Variants in DIRAS2 observed in about 807,000 individuals in gnomAD.
The protein encoded by DIRAS2 is DIRAS family GTPase 2, also known as GTP-binding protein Di-Ras2.
Under a neutral mutation model 13.9 loss-of-function variants are expected in DIRAS2, and 5 were observed. The observed-to-expected ratio is 0.36, with a 90% CI of 0.19 to 0.76. DIRAS2 has a LOEUF of 0.76. DIRAS2 is among the 30% of genes least tolerant of loss of function. The pLI is 0.53. For missense variants in DIRAS2, 191 were observed against 263.0 expected, an observed-to-expected ratio of 0.73 and a Z score of 1.89; for synonymous variants, 111 against 105.4, an observed-to-expected ratio of 1.05 and a Z score of -0.33.
Position 90,633,800 on chromosome 9 carries a change from G to A in DIRAS2, c.-37+8952C>T, listed in dbSNP as rs922480413. Among the ~76,000 whole-genome samples the A allele has an allele frequency of 6.6e-5, 10 of 152,198 alleles. 1 individual carries two copies. The highest frequency in any genetic ancestry group is 9.7e-5 in the African/African-American group (4 of 41,446). ...GTCACTGGTGAGCCTGGCAAGAGGC[G>A]CTTCAATGGCACCACAGGGTAGAAG... is the stretch of plus-strand genomic sequence containing the variant. On this transcript the variant is annotated intron_variant, in intron 1 of 1. Transcript: ENST00000375765.
At chr9:90,639,660 T>G (rs1825401197) in intron 1 of DIRAS2, among the ~76,000 whole-genome samples, 1 of 152,240 alleles carries the variant, frequency 6.6e-6, no homozygotes, top group African/African-American at 2.4e-5. Flanking sequence ...TTCCTTTGTT[T>G]CTGCCACAAT....
chr9:90,610,552 C>T lies in DIRAS2; in HGVS notation c.*2676G>A. On this transcript the variant is annotated 3_prime_UTR_variant, in exon 2 of 2. Transcript: ENST00000375765. ...CTTATTCTGCCTGGGTCAAAAACTGCTATGCCCATATGCAATGTAGGATGT... is the reference window on the plus strand; with the variant it reads ...CTTATTCTGCCTGGGTCAAAAACTGTTATGCCCATATGCAATGTAGGATGT... The T allele has an allele frequency of 2.5e-6, 1 of 397,016 alleles. No individual in the cohort carries two copies. 24.6% of individuals were successfully genotyped at this position (397,016 alleles called of 1,614,324 possible). A position where few individuals can be genotyped will look rare whatever the true frequency, so the allele number is the denominator to read the frequency against.
chr9:90,615,149 T>A (rs565345107), intron 1 of DIRAS2, among the ~76,000 whole-genome samples: 1 of 152,324 alleles, frequency 6.6e-6, no homozygotes, highest in East Asian at 1.9e-4. Context: ...AAATAAGTTT[T>A]AGAGTCCAGT....
intron 1 of DIRAS2, among the ~76,000 whole-genome samples, chr9:90,633,610 C>G (rs1219786050): frequency 6.6e-6 from 1 of 152,138 alleles, no homozygotes; most frequent in African/African-American, 2.4e-5. Context: ...TGGATGAGAT[C>G]GTTTGCAAGA....
chr9:90,613,190 C>A lies in DIRAS2; in HGVS notation c.*38G>T, dbSNP rs776697472. 1.3e-6 allele frequency: 2 copies of A among 1,581,604 alleles called. No homozygotes were observed. The highest frequency in any genetic ancestry group is 2.7e-5 in the African/African-American group (2 of 74,350). On this transcript the variant is annotated 3_prime_UTR_variant, in exon 2 of 2. Coordinates refer to ENST00000375765, the MANE Select transcript of DIRAS2 (RefSeq NM_017594.5). The surrounding 1 kb of genome is among the most constrained non-coding windows in gnomAD (Gnocchi z 5.6). ...GGTGTCATTTTGGGGGAGTGAGGTG[C>A]CGGGGACACACAGCTGCTCCTCCCG...
intron 1 of DIRAS2, among the ~76,000 whole-genome samples, 199 bp downstream of exon 1, chr9:90,642,553 G>A (rs1375289967): frequency 1.3e-5 from 2 of 152,136 alleles, no homozygotes; most frequent in Non-Finnish European, 2.9e-5. Flanking sequence ...TTTTAGACAA[G>A]GACAGCATGA....
intron 1 of DIRAS2, among the ~76,000 whole-genome samples, chr9:90,616,192 G>T (rs761154376): frequency 6.6e-6 from 1 of 152,166 alleles, no homozygotes; most frequent in Non-Finnish European, 1.5e-5. Flanking sequence ...AACTGGCAAC[G>T]AACACATAGG....
At chr9:90,640,583 G>C (rs1825410149) in intron 1 of DIRAS2, among the ~76,000 whole-genome samples, 1 of 152,122 alleles carries the variant, frequency 6.6e-6, no homozygotes, top group Non-Finnish European at 1.5e-5. Context: ...ACCAAAATCA[G>C]TGTCCTACAA....
At chr9:90,638,677 G>C (rs1226240099) in intron 1 of DIRAS2, among the ~76,000 whole-genome samples, 1 of 151,766 alleles carries the variant, frequency 6.6e-6, no homozygotes, top group Non-Finnish European at 1.5e-5. Flanking sequence ...TAATTGGGGT[G>C]GTAGGTAGCT....
rs896361914 is a variant in DIRAS2 at position 90,612,312 on chromosome 9, T to C, written c.*916A>G. 6.6e-6 allele frequency: 1 copy of C among 152,554 alleles called. No individual in the cohort carries two copies. Among genetic ancestry groups the C allele is most frequent in the Non-Finnish European group, 1.5e-5 (1 of 68,018 alleles). 9.5% of individuals were successfully genotyped at this position (152,554 alleles called of 1,614,324 possible). A position where few individuals can be genotyped will look rare whatever the true frequency, so the allele number is the denominator to read the frequency against. ...TGGCTGCTACCCAGCTGGGTACAGA[T>C]CGAGTTATTTAAGAGAAGAAAACCA... On this transcript the variant is annotated 3_prime_UTR_variant, in exon 2 of 2. Transcript: ENST00000375765.
intron 1 of DIRAS2, among the ~76,000 whole-genome samples, chr9:90,633,038 G>A (rs1158541155): frequency 1.3e-5 from 2 of 151,632 alleles, no homozygotes; most frequent in South Asian, 2.1e-4. Context: ...GAGACAGCAC[G>A]GAGCCTTTCA....
rs1458806120 is a variant in DIRAS2, at chr9:90,613,361, T to C, written c.467A>G (p.His156Arg). 6.2e-7 allele frequency: 1 copy of C among 1,614,088 alleles called. No homozygotes were observed. Among genetic ancestry groups the C allele is most frequent in the African/African-American group, 1.3e-5 (1 of 75,024 alleles). ...AFMETSAKLN[H>R]NVKELFQELL... ...CTCCTGGAAAAGCTCCTTCACGTTA[T>C]GGTTGAGCTTGGCTGAGGTCTCCAT... The change falls in exon 2 of 2, where the codon CAT becomes CGT. Residue 156 changes from histidine (H) to arginine (R), a missense_variant. Transcript: ENST00000375765. The surrounding 1 kb of genome is among the most constrained non-coding windows in gnomAD (Gnocchi z 5.6).
intron 1 of DIRAS2, among the ~76,000 whole-genome samples, chr9:90,625,058 G>T (rs1407323044): frequency 2.0e-5 from 3 of 152,202 alleles, no homozygotes; most frequent in Non-Finnish European, 4.4e-5. Context: ...TGTTGTCTTG[G>T]TCAAGGGACT....
At chr9:90,631,818 C>T (rs1246889633) in intron 1 of DIRAS2, among the ~76,000 whole-genome samples, 1 of 152,146 alleles carries the variant, frequency 6.6e-6, no homozygotes, top group Non-Finnish European at 1.5e-5. Context: ...GCCATGCACA[C>T]ATCCCAAATA....
chr9:90,633,799 C>T (rs16906722), intron 1 of DIRAS2, among the ~76,000 whole-genome samples: 13,781 of 152,150 alleles, frequency 0.091, 708 homozygotes, highest in South Asian at 0.2. Context: ...TGGCAAGAGG[C>T]GCTTCAATGG....
At chr9:90,623,136 C>T (rs1371909682) in intron 1 of DIRAS2, among the ~76,000 whole-genome samples, 2 of 152,168 alleles carry the variant, frequency 1.3e-5, no homozygotes, top group Non-Finnish European at 2.9e-5. Flanking sequence ...CTGTTCTCCT[C>T]GCTTATCTGA....
intron 1 of DIRAS2, among the ~76,000 whole-genome samples, chr9:90,620,425 A>T (rs556707086): frequency 1.3e-5 from 2 of 152,326 alleles, no homozygotes; most frequent in East Asian, 3.9e-4. Flanking sequence ...CATACCATGA[A>T]AAGCAGTACC....
chr9:90,611,923 A>G lies in DIRAS2; in HGVS notation c.*1305T>C, dbSNP rs1266905068. ...AAGCTGAGTGGGCTCTTCCCAGGGC[A>G]GAGAAGCCTGCCTGTCTCCAGCCAC... is the stretch of plus-strand genomic sequence containing the variant. On this transcript the variant is annotated 3_prime_UTR_variant, in exon 2 of 2. Transcript: ENST00000375765. 1 of 152,254 alleles carries G rather than the reference A, an allele frequency of 6.6e-6. No individual in the cohort carries two copies. The highest frequency in any genetic ancestry group is 2.4e-5 in the African/African-American group (1 of 41,462). The allele number at this position is 152,254 out of a possible 1,614,324, so 9.4% of individuals were successfully genotyped here.
intron 1 of DIRAS2, among the ~76,000 whole-genome samples, chr9:90,634,087 T>C (rs1368808811): frequency 6.6e-6 from 1 of 152,124 alleles, no homozygotes; most frequent in Non-Finnish European, 1.5e-5. Context: ...CAAAAGGAAG[T>C]GCTATGGTCA....
Sources: gnomAD v4.1 joint callset for allele counts (sites outside exome capture counted in the v4.1 genomes callset) on GRCh38, gnomAD v4.1.1 for gene constraint, Gnocchi (gnomAD v3.1) non-coding constraint, MANE v1.5 for transcripts, NCBI Gene and HGNC (gene_info 2026-07-23, HGNC 2026-07-21) for gene names.